Variants in CD226 observed in about 807,000 individuals in gnomAD.
CD226 encodes CD226 antigen.
CD226 carries 24 observed loss-of-function variants against 34.9 expected under a neutral mutation model. The ratio of observed to expected loss-of-function variants is 0.69; its 90% CI spans 0.50 to 0.97. CD226 has a LOEUF of 0.97. CD226 is among the 50% of genes least tolerant of loss of function. The pLI, the probability that CD226 is intolerant of heterozygous loss-of-function variation, is 0.00. For missense variants in CD226, 397 were observed against 412.7 expected (o/e 0.96, Z 0.33); for synonymous variants, 148 against 147.4 (o/e 1.00, Z -0.03).
chr18:69,918,447 A>C (rs2055412278), intron 2 of CD226, among the ~76,000 whole-genome samples: 1 of 152,176 alleles, frequency 6.6e-6, no homozygotes. Context: ...AATCCCAGCT[A>C]CTTGGGAGGC....
chr18:69,904,161 C>G (rs1283037556), intron 2 of CD226, among the ~76,000 whole-genome samples: 1 of 152,150 alleles, frequency 6.6e-6, no homozygotes, highest in African/African-American at 2.4e-5. Context: ...GATAAAAACA[C>G]AACCCGACAA....
chr18:69,950,066 T>C (rs2055836989), upstream of CD226, among the ~76,000 whole-genome samples: 1 of 150,582 alleles, frequency 6.6e-6, no homozygotes, highest in East Asian at 2.0e-4. Context: ...ATACATGCAC[T>C]CACACACATG....
At chr18:69,864,468 A>C in intron 5 of CD226, 29 bp from the exon 6 acceptor site, 2 of 1,606,550 alleles carry the variant, frequency 1.2e-6, no homozygotes, top group African/African-American at 2.7e-5. Flanking sequence ...GAGAGTGTCA[A>C]TAATTCACTG....
chr18:69,870,197 T>C (rs1983427193), intron 4 of CD226, among the ~76,000 whole-genome samples: 1 of 151,556 alleles, frequency 6.6e-6, no homozygotes, highest in Non-Finnish European at 1.5e-5. Flanking sequence ...AATATATATC[T>C]AACATTTTTC....
chr18:69,874,575 C>T (rs907300108), intron 3 of CD226, among the ~76,000 whole-genome samples: 1 of 152,190 alleles, frequency 6.6e-6, no homozygotes, highest in African/African-American at 2.4e-5. Context: ...TGTACTGTGA[C>T]ACCCCGGCTG....
At chr18:69,892,536 G>T (rs962161032) in intron 3 of CD226, among the ~76,000 whole-genome samples, 7 of 152,174 alleles carry the variant, frequency 4.6e-5, no homozygotes, top group Non-Finnish European at 1.0e-4. Context: ...GGACATAAGT[G>T]CAAAGGACAA....
At chr18:69,921,211 C>G (rs1238594799) in intron 2 of CD226, among the ~76,000 whole-genome samples, 1 of 152,124 alleles carries the variant, frequency 6.6e-6, no homozygotes, top group East Asian at 1.9e-4. Context: ...GCCCTCACCT[C>G]TCACTACATC....
At chr18:69,924,760 G>A (rs2055500950) in intron 2 of CD226, among the ~76,000 whole-genome samples, 1 of 138,108 alleles carries the variant, frequency 7.2e-6, no homozygotes, top group Non-Finnish European at 1.6e-5. Context: ...GTACAAATAA[G>A]CAGTGAGGCC....
At position 69,856,065 on chromosome 18, in the gene CD226, G is replaced by C. The variant is rs188524350; in HGVS notation, c.*8249C>G. On this transcript the variant is annotated 3_prime_UTR_variant, in exon 6 of 6. Coordinates refer to ENST00000582621, the MANE Select transcript of CD226 (RefSeq NM_001303618.2). ...CAACTATACATTGTCTATAAGAAAG[G>C]CACATTAAATATAAATATTTAGATA... 61 of 152,054 alleles carry C rather than the reference G, an allele frequency of 4.0e-4. No homozygotes were observed. Among genetic ancestry groups the C allele is most frequent in the African/African-American group, 1.4e-3 (58 of 41,508 alleles). The allele number at this position is 152,054 out of a possible 1,614,324, so 9.4% of individuals were successfully genotyped here.
chr18:69,864,501 A>G, intron 5 of CD226, 62 bp from the exon 6 acceptor site: 1 of 1,524,046 alleles, frequency 6.6e-7, no homozygotes, highest in Non-Finnish European at 9.0e-7. Context: ...TAATGAAGAC[A>G]TTCAAAACAT....
rs1599361933 is a variant in CD226 at position 69,857,928 on chromosome 18, T to C, written c.*6386A>G. On this transcript the variant is annotated 3_prime_UTR_variant, in exon 6 of 6. Coordinates refer to ENST00000582621, the MANE Select transcript of CD226 (RefSeq NM_001303618.2). ...TTCTTACTTGAAATTTTGGAGGTAG[T>C]ATGTTACCAAAAAAAATGGTAGTTC... 3.3e-5 allele frequency: 5 copies of C among 152,256 alleles called. No homozygotes were observed. The highest frequency in any genetic ancestry group is 6.5e-5 in the Admixed American group (1 of 15,286). The allele number at this position is 152,256 out of a possible 1,614,324, so 9.4% of individuals were successfully genotyped here. A position where few individuals can be genotyped will look rare whatever the true frequency, so the allele number is the denominator to read the frequency against.
intron 2 of CD226, among the ~76,000 whole-genome samples, chr18:69,912,360 C>T (rs2055336232): frequency 6.6e-6 from 1 of 152,100 alleles, no homozygotes; most frequent in South Asian, 2.1e-4. Context: ...TAGTGAAAAC[C>T]CAGGAGACAT....
chr18:69,900,611 A>G (rs1274656921), intron 2 of CD226, among the ~76,000 whole-genome samples: 5 of 150,790 alleles, frequency 3.3e-5, no homozygotes, highest in Admixed American at 6.6e-5. Flanking sequence ...GGGCGCCTGT[A>G]GTCCCAGCTA....
intron 2 of CD226, among the ~76,000 whole-genome samples, chr18:69,926,122 G>A (rs1466219656): frequency 6.6e-6 from 1 of 151,950 alleles, no homozygotes; most frequent in Non-Finnish European, 1.5e-5. Context: ...CAGACTGGGC[G>A]ACAGAGTGAG....
chr18:69,946,705 AT>A (rs758462758), intron 2 of CD226, 28 bp downstream of exon 2: 8 of 1,446,340 alleles, frequency 5.5e-6, no homozygotes, highest in East Asian at 2.3e-5. Context: ...ATAAAAAGGG[AT>A]TTAAAAAAAA....
chr18:69,864,630 A>C (rs563097367), intron 5 of CD226, among the ~76,000 whole-genome samples, 191 bp from the exon 6 acceptor site: 37 of 152,344 alleles, frequency 2.4e-4, no homozygotes, highest in African/African-American at 8.9e-4. Flanking sequence ...ATGCAACAGA[A>C]ATCTAGTCTA....
intron 2 of CD226, among the ~76,000 whole-genome samples, chr18:69,911,293 T>C (rs980956551): frequency 1.3e-5 from 2 of 151,952 alleles, no homozygotes; most frequent in Admixed American, 1.3e-4. Flanking sequence ...TGAGGAAGGG[T>C]AATAGAGTGG....
upstream of CD226, among the ~76,000 whole-genome samples, chr18:69,961,162 TG>T (rs1479542945): frequency 1.3e-5 from 2 of 152,236 alleles, no homozygotes; most frequent in East Asian, 3.8e-4. Context: ...TGTATGTATA[TG>T]TAGGTATAAT....
At chr18:69,953,270 C>T (rs2105729) in intron 1 of CD226, among the ~76,000 whole-genome samples, 124,572 of 152,196 alleles carry the variant, frequency 0.82, 55,669 homozygotes, top group East Asian at 1. Context: ...CCAATGTTTA[C>T]AGCAGCATTA....
Sources: gnomAD v4.1 joint callset for allele counts (sites outside exome capture counted in the v4.1 genomes callset) on GRCh38, gnomAD v4.1.1 for gene constraint, MANE v1.5 for transcripts, NCBI Gene and HGNC (gene_info 2026-07-23, HGNC 2026-07-21) for gene names.